The following PM20D1 variants were observed in gnomAD, a reference collection of about 807,000 sequenced individuals.
The protein encoded by PM20D1 is peptidase M20 domain containing 1.
PM20D1 carries 53 observed loss-of-function variants against 53.8 expected under a neutral mutation model. The observed-to-expected ratio is 0.98, with a 90% CI of 0.79 to 1.24. The LOEUF (loss-of-function observed/expected upper bound fraction) is 1.24. PM20D1 is among the 50% of genes most tolerant of loss of function. The pLI is 0.00. For synonymous variants in PM20D1, 239 were observed against 241.3 expected (o/e 0.99, Z 0.09); for missense variants, 564 against 616.8 (o/e 0.91, Z 0.91).
intron 10 of PM20D1, among the ~76,000 whole-genome samples, chr1:205,838,269 G>A (rs1229729886): frequency 1.3e-5 from 2 of 152,072 alleles, no homozygotes; most frequent in East Asian, 3.9e-4. Flanking sequence ...TGTTTTTGAA[G>A]CATTGGGTTT....
Position 205,828,494 on chromosome 1 carries a change from G to C in PM20D1, c.*126C>G. 7.4e-7 allele frequency: 1 copy of C among 1,356,762 alleles called. No individual in the cohort carries two copies. Among genetic ancestry groups the C allele is most frequent in the East Asian group, 2.5e-5 (1 of 40,182 alleles). 84.0% of individuals were successfully genotyped at this position (1,356,762 alleles called of 1,614,324 possible). ...CTTGTTCTTGGGAGAGTTTAAGAGT[G>C]AGCAAGACAGATGGGCAATGTTTTA... On this transcript the variant is annotated 3_prime_UTR_variant, in exon 13 of 13. Transcript: ENST00000367136.
intron 6 of PM20D1, 122 bp downstream of exon 6, chr1:205,843,545 T>C: frequency 7.1e-7 from 1 of 1,402,096 alleles, no homozygotes; most frequent in South Asian, 1.4e-5. Flanking sequence ...GTCAATTTTT[T>C]ATAGCATAGT....
intron 9 of PM20D1, 107 bp from the exon 10 acceptor site, chr1:205,840,430 G>C: frequency 1.1e-6 from 1 of 944,422 alleles, no homozygotes; most frequent in Non-Finnish European, 1.6e-6. Context: ...TGGCTGATTT[G>C]ACTTAAGGAC....
Position 205,842,285 on chromosome 1 carries a change from C to G in PM20D1, c.904-70G>C, listed in dbSNP as rs6663323. Reference sequence around the variant, plus strand: ...GCCTGGGTCTCTGAGACCTGAGTCTCTCTCTACTTTAGAGCTGCCTCAGGG... The same window carrying G: ...GCCTGGGTCTCTGAGACCTGAGTCTGTCTCTACTTTAGAGCTGCCTCAGGG... On this transcript the variant is annotated intron_variant, in intron 7 of 12. Coordinates refer to ENST00000367136, the MANE Select transcript of PM20D1 (RefSeq NM_152491.5). 19,928 of 1,419,442 alleles carry G rather than the reference C, an allele frequency of 0.014. 1,907 individuals are homozygous for G. The African/African-American group carries it at 0.23, about 16-fold the overall frequency. 87.9% of individuals were successfully genotyped at this position (1,419,442 alleles called of 1,614,324 possible). A position where few individuals can be genotyped will look rare whatever the true frequency, so the allele number is the denominator to read the frequency against.
rs1490570874 is a variant in PM20D1 at position 205,844,887 on chromosome 1, T to C, written c.500A>G (p.Gln167Arg). Residue 167 changes from glutamine to arginine, a missense_variant, in exon 4 of 13, where the codon CAG (glutamine) becomes CGG (arginine). Physicochemically the swap from Gln to Arg is conservative, Grantham distance 43. Transcript: ENST00000367136. Reference sequence around the variant, plus strand: ...CCTGATCAGCAGGAGCTCCAAGGCCTGCAGTAATGCCTGGGGTTCAGAAGC... The same window carrying C: ...CCTGATCAGCAGGAGCTCCAAGGCCCGCAGTAATGCCTGGGGTTCAGAAGC... ...DDKNSVMALL[Q>R]ALELLLIRKY... 1 of 1,613,576 alleles carries C rather than the reference T, an allele frequency of 6.2e-7. No individual in the cohort carries two copies. Among genetic ancestry groups the C allele is most frequent in the Non-Finnish European group, 8.5e-7 (1 of 1,179,950 alleles).
At chr1:205,832,953 T>A (rs895521196) in intron 10 of PM20D1, among the ~76,000 whole-genome samples, 187 bp from the exon 11 acceptor site, 3 of 152,218 alleles carry the variant, frequency 2.0e-5, no homozygotes, top group Non-Finnish European at 4.4e-5. Context: ...GAGCTGGGTC[T>A]TCCTGGAAAG....
At position 205,845,249 on chromosome 1, in the gene PM20D1, T is replaced by A. The variant is rs568136314; in HGVS notation, c.489+76A>T. The A allele has an allele frequency of 2.2e-5, 32 of 1,433,242 alleles. No individual in the cohort carries two copies. The East Asian group carries it at 3.2e-4, about 14-fold the overall frequency. 88.8% of individuals were successfully genotyped at this position (1,433,242 alleles called of 1,614,324 possible). ...ATTCTTTTTACCATTATCTCCCACC[T>A]CCCAGGGTCAGCCAAGCACCCCCAT... On this transcript the variant is annotated intron_variant, in intron 3 of 12. Transcript: ENST00000367136.
chr1:205,832,870 G>C (rs577045035), intron 10 of PM20D1, 104 bp from the exon 11 acceptor site: 14 of 1,320,714 alleles, frequency 1.1e-5, no homozygotes, highest in Middle Eastern at 2.1e-4. Context: ...AGAGCCTCAG[G>C]GTTTACAGAC....
chr1:205,841,911 C>A, intron 8 of PM20D1, 22 bp from the exon 9 acceptor site: 1 of 1,549,038 alleles, frequency 6.5e-7, no homozygotes. Flanking sequence ...GGACCAAGGT[C>A]AGATGTTAGA....
Position 205,832,665 on chromosome 1 carries a change from G to A in PM20D1, c.1218C>T (p.Ala406=). ...TCTGGCGGAGCAGCTGGTAGCCCAA[G>A]GCCTTGTCATCAGAAGGGCTGACGG... ...PLPVSPSDDK[A]LGYQLLRQTV... is the part of the protein sequence containing the mutation. Residue 406 remains alanine, a synonymous_variant, in exon 11 of 13, where the codon GCC becomes GCT. Transcript: ENST00000367136. The A allele has an allele frequency of 1.9e-6, 3 of 1,614,144 alleles. No individual in the cohort carries two copies. Among genetic ancestry groups the A allele is most frequent in the Non-Finnish European group, 2.5e-6 (3 of 1,180,010 alleles).
At chr1:205,847,794 C>A in intron 2 of PM20D1, 91 bp downstream of exon 2, 3 of 858,242 alleles carry the variant, frequency 3.5e-6, no homozygotes, top group East Asian at 4.8e-5. Context: ...TCTGATCAGT[C>A]GCAAAATAAA....
rs16856417 is a variant in PM20D1 at position 205,842,848 on chromosome 1, C to T, written c.828-97G>A. 1,707 of 1,085,086 alleles carry T rather than the reference C, an allele frequency of 1.6e-3. 25 individuals carry two copies. In the African/African-American group the frequency reaches 0.017, roughly 11 times the overall value. The allele number at this position is 1,085,086 out of a possible 1,614,324, so 67.2% of individuals were successfully genotyped here. On this transcript the variant is annotated intron_variant, in intron 6 of 12. Coordinates refer to ENST00000367136, the MANE Select transcript of PM20D1 (RefSeq NM_152491.5). ...AGGGAGATAGGAGGAAGTTTCAACG[C>T]TCCTGGCCAAGAGGTCTCTCATTCA...
chr1:205,833,646 A>T (rs190125601), intron 10 of PM20D1, among the ~76,000 whole-genome samples: 1 of 152,168 alleles, frequency 6.6e-6, no homozygotes, highest in Non-Finnish European at 1.5e-5. Context: ...CAGGAAGTAG[A>T]CCAGACCCTG....
chr1:205,831,113 C>T (rs1017230970), intron 11 of PM20D1, among the ~76,000 whole-genome samples: 17 of 152,178 alleles, frequency 1.1e-4, no homozygotes, highest in African/African-American at 4.1e-4. Context: ...TTTCCAGTTT[C>T]CCACTCTCCT....
At chr1:205,842,281 GTC>G (rs1166191129) in intron 7 of PM20D1, 66 bp from the exon 8 acceptor site, 2 of 1,437,570 alleles carry the variant, frequency 1.4e-6, no homozygotes, top group Non-Finnish European at 2.0e-6. Context: ...TGAGACCTGA[GTC>G]TCTCTCTACT....
rs1052348871 is a variant in PM20D1, at chr1:205,832,561, C to A, written c.1285+37G>T. ...CATTGGATAGGAAACAGTTCCAGCCCCCTCCTCCCTCCAGCCACAGCTGAT... is the reference window on the plus strand; with the variant it reads ...CATTGGATAGGAAACAGTTCCAGCCACCTCCTCCCTCCAGCCACAGCTGAT... On this transcript the variant is annotated intron_variant, in intron 11 of 12. Coordinates refer to ENST00000367136, the MANE Select transcript of PM20D1 (RefSeq NM_152491.5). The A allele has an allele frequency of 1.9e-6, 3 of 1,608,854 alleles. No homozygotes were observed. In the African/African-American group the frequency reaches 4.0e-5, roughly 22 times the overall value.
chr1:205,847,006 C>T (rs925810030), intron 2 of PM20D1, among the ~76,000 whole-genome samples: 1,300 of 43,886 alleles, frequency 0.03, no homozygotes, highest in Middle Eastern at 0.11. Context: ...TCCTTCCTTT[C>T]TTTTTTTTTT....
chr1:205,845,821 G>C (rs575659330), intron 2 of PM20D1, among the ~76,000 whole-genome samples: 1 of 152,288 alleles, frequency 6.6e-6, no homozygotes, highest in African/African-American at 2.4e-5. Context: ...GGGGGCTCAT[G>C]CCTGTAATCC....
Position 205,842,198 on chromosome 1 carries a change from A to G in PM20D1, c.921T>C (p.Asn307=), listed in dbSNP as rs376002120. ...ATAGCCATGGGTTGCTCAGGATTAT[A>G]TTGACAGGGAAGGGAAACTGGGAAA... ...QLANEFPFPV[N]IILSNPWLFE... is the part of the protein sequence containing the mutation. Residue 307 remains asparagine, a synonymous_variant, in exon 8 of 13, where the codon AAT becomes AAC. Transcript: ENST00000367136. 76 of 1,613,160 alleles carry G rather than the reference A, an allele frequency of 4.7e-5. No homozygotes were observed. The highest frequency in any genetic ancestry group is 6.3e-5 in the Non-Finnish European group (74 of 1,179,126).
Sources: allele counts gnomAD v4.1 joint callset (sites outside exome capture counted in the v4.1 genomes callset), GRCh38; gene constraint gnomAD v4.1.1; transcripts MANE v1.5; gene names NCBI Gene and HGNC (gene_info 2026-07-23, HGNC 2026-07-21).